The following WDR5 variants were observed in gnomAD, a reference collection of about 807,000 sequenced individuals.
WDR5 encodes the protein WD repeat-containing protein 5.
For missense variants in WDR5, 187 were observed against 416.9 expected (o/e 0.45, Z 4.80); for synonymous variants, 144 against 161.6 (o/e 0.89, Z 0.83).
At position 134,148,211 on chromosome 9, in the gene WDR5, T is replaced by G. The variant is rs990089282; in HGVS notation, c.529-77T>G. 2.7e-4 allele frequency: 77 copies of G among 290,364 alleles called. No individual in the cohort carries two copies. Among genetic ancestry groups the G allele is most frequent in the African/African-American group, 2.0e-3 (69 of 34,236 alleles). 18.0% of individuals were successfully genotyped at this position (290,364 alleles called of 1,614,324 possible). A position where few individuals can be genotyped will look rare whatever the true frequency, so the allele number is the denominator to read the frequency against. On this transcript the variant is annotated intron_variant, in intron 7 of 13. Coordinates refer to ENST00000358625, the MANE Select transcript of WDR5 (RefSeq NM_017588.3). ...CTTTTTTTTTTTTTTTTTTTTTTTT[T>G]GAGATCAGGTAAGAAGCAGTTGTGT...
At chr9:134,156,098 C>T (rs1190642201) in intron 12 of WDR5, among the ~76,000 whole-genome samples, 2 of 152,250 alleles carry the variant, frequency 1.3e-5, no homozygotes, top group Non-Finnish European at 2.9e-5. Context: ...GGCTGTCGTC[C>T]ACCGGCCCCA....
intron 1 of WDR5, among the ~76,000 whole-genome samples, chr9:134,136,718 C>T (rs906775822): frequency 1.1e-4 from 17 of 152,180 alleles, no homozygotes; most frequent in African/African-American, 4.1e-4. Flanking sequence ...AACGGTAGGC[C>T]CACCGTGCCT....
intron 1 of WDR5, among the ~76,000 whole-genome samples, chr9:134,138,630 C>T (rs754137154): frequency 2.6e-5 from 4 of 152,174 alleles, no homozygotes; most frequent in African/African-American, 7.2e-5. Flanking sequence ...TCCATCTTTG[C>T]GCAGGGAATC....
chr9:134,153,791 G>A (rs564709547), intron 9 of WDR5, among the ~76,000 whole-genome samples: 11 of 152,268 alleles, frequency 7.2e-5, no homozygotes, highest in Non-Finnish European at 1.5e-4. Context: ...CCTGCACCAG[G>A]ACACACCTTC....
intron 1 of WDR5, among the ~76,000 whole-genome samples, chr9:134,136,901 T>C (rs1047900789): frequency 2.6e-5 from 4 of 152,164 alleles, no homozygotes; most frequent in East Asian, 3.9e-4. Flanking sequence ...CAAATGCTAG[T>C]TTAATCTGTG....
chr9:134,141,404 A>T, intron 3 of WDR5, 106 bp from the exon 4 acceptor site: 1 of 1,091,812 alleles, frequency 9.2e-7, no homozygotes, highest in Non-Finnish European at 1.4e-6. Context: ...CATGTGGTTC[A>T]TGCTGATCAC....
chr9:134,137,652 CTT>C (rs1831634743), intron 1 of WDR5, among the ~76,000 whole-genome samples: 1 of 117,646 alleles, frequency 8.5e-6, no homozygotes, highest in African/African-American at 3.3e-5. Context: ...CACCTGGACT[CTT>C]TGGACTGTGT....
intron 1 of WDR5, among the ~76,000 whole-genome samples, chr9:134,136,766 C>T (rs1006141800): frequency 2.2e-4 from 34 of 152,316 alleles, no homozygotes; most frequent in African/African-American, 8.2e-4. Context: ...GGCCGGTCTG[C>T]GAGAGCCATT....
chr9:134,142,814 C>G (rs1831962713), intron 7 of WDR5, 95 bp downstream of exon 7: 2 of 1,299,202 alleles, frequency 1.5e-6, no homozygotes, highest in Non-Finnish European at 2.2e-6. Flanking sequence ...GTAAGCCTGG[C>G]CATGGCCTGT....
At chr9:134,137,219 T>A (rs1356684693) in intron 1 of WDR5, among the ~76,000 whole-genome samples, 2 of 152,170 alleles carry the variant, frequency 1.3e-5, no homozygotes, top group Non-Finnish European at 2.9e-5. Context: ...CAGGCTTACC[T>A]GGATGAAAAG....
Position 134,155,331 on chromosome 9 carries a change from G to C in WDR5, c.708-9G>C, listed in dbSNP as rs571598952. 2 of 1,602,854 alleles carry C rather than the reference G, an allele frequency of 1.2e-6. No homozygotes were observed. Among genetic ancestry groups the C allele is most frequent in the Admixed American group, 1.7e-5 (1 of 57,430 alleles). ...GACATGCCGCCTCACCCCTCTCTCT[G>C]TCTTGCAGCACTCTGAAGCTCTGGG... On this transcript the variant is annotated splice_polypyrimidine_tract_variant and intron_variant, in intron 10 of 13. Coordinates refer to ENST00000358625, the MANE Select transcript of WDR5 (RefSeq NM_017588.3).
intron 7 of WDR5, among the ~76,000 whole-genome samples, chr9:134,143,473 G>A (rs371440843): frequency 3.3e-5 from 5 of 152,166 alleles, no homozygotes; most frequent in South Asian, 2.1e-4. Flanking sequence ...CCTGGGAAGC[G>A]GAGGTTGCAG....
rs376808843 is a variant in WDR5, at chr9:134,156,493, T to G, written c.817-13T>G. ...TTTTCCTTGCCCTGTTTTCCCTGCTTGTTGTTACGTAGTGGATTGTGTCTG... is the reference window on the plus strand; with the variant it reads ...TTTTCCTTGCCCTGTTTTCCCTGCTGGTTGTTACGTAGTGGATTGTGTCTG... On this transcript the variant is annotated splice_polypyrimidine_tract_variant and intron_variant, in intron 12 of 13. Coordinates refer to ENST00000358625, the MANE Select transcript of WDR5 (RefSeq NM_017588.3). 1.2e-6 allele frequency: 2 copies of G among 1,613,728 alleles called. No individual in the cohort carries two copies. Among genetic ancestry groups the G allele is most frequent in the Admixed American group, 1.7e-5 (1 of 60,006 alleles).
At chr9:134,138,574 C>T (rs1463673968) in intron 1 of WDR5, among the ~76,000 whole-genome samples, 1 of 152,180 alleles carries the variant, frequency 6.6e-6, no homozygotes, top group African/African-American at 2.4e-5. Context: ...GCCTGCCCCT[C>T]CTCTCCCCCT....
Position 134,140,042 on chromosome 9 carries a change from A to C in WDR5, c.81+84A>C, listed in dbSNP as rs1036122970. 4 of 1,478,038 alleles carry C rather than the reference A, an allele frequency of 2.7e-6. No homozygotes were observed. The African/African-American group carries it at 5.5e-5, about 20-fold the overall frequency. The allele number at this position is 1,478,038 out of a possible 1,614,324, so 91.6% of individuals were successfully genotyped here. A position where few individuals can be genotyped will look rare whatever the true frequency, so the allele number is the denominator to read the frequency against. ...GGAAACATCTCAAGCTCATAAGCCT[A>C]GTCTTCCCTACTCAGTTAAATGTCA... is the stretch of plus-strand genomic sequence containing the variant. On this transcript the variant is annotated intron_variant, in intron 2 of 13. Transcript: ENST00000358625.
At chr9:134,151,170 G>A (rs752897172) in intron 8 of WDR5, among the ~76,000 whole-genome samples, 2 of 152,166 alleles carry the variant, frequency 1.3e-5, no homozygotes, top group Non-Finnish European at 2.9e-5. Flanking sequence ...GAGAGTTGCT[G>A]CTTCTGGGTT....
intron 7 of WDR5, among the ~76,000 whole-genome samples, chr9:134,144,402 G>C (rs1044475035): frequency 2.6e-5 from 4 of 152,256 alleles, no homozygotes; most frequent in African/African-American, 7.2e-5. Context: ...ACCTGAGAAA[G>C]GGGTTCGCTG....
chr9:134,145,567 G>A (rs1405365170), intron 7 of WDR5, among the ~76,000 whole-genome samples: 1 of 152,240 alleles, frequency 6.6e-6, no homozygotes, highest in Non-Finnish European at 1.5e-5. Flanking sequence ...GGCCGTTTGT[G>A]CGGGATGGCT....
chr9:134,158,173 A>T lies in WDR5; in HGVS notation c.*180A>T, dbSNP rs1389051947. The T allele has an allele frequency of 1.0e-5, 6 of 572,448 alleles. No homozygotes were observed. Among genetic ancestry groups the T allele is most frequent in the Non-Finnish European group, 1.9e-5 (6 of 322,102 alleles). The allele number at this position is 572,448 out of a possible 1,614,324, so 35.5% of individuals were successfully genotyped here. On this transcript the variant is annotated 3_prime_UTR_variant, in exon 14 of 14. Coordinates refer to ENST00000358625, the MANE Select transcript of WDR5 (RefSeq NM_017588.3). ...AGGTGTGGACCACCGGAAAGTTCTT[A>T]AAAGTTGCTGGTGACATTTCTTGCC...
Sources: gnomAD v4.1 joint callset for allele counts (sites outside exome capture counted in the v4.1 genomes callset) on GRCh38, gnomAD v4.1.1 for gene constraint, MANE v1.5 for transcripts, NCBI Gene and HGNC (gene_info 2026-07-23, HGNC 2026-07-21) for gene names.